The following PSMA6 variants were observed in gnomAD, a reference collection of about 807,000 sequenced individuals.
PSMA6 encodes the protein proteasome 20S subunit alpha 6.
For missense variants in PSMA6, 170 were observed against 294.8 expected (o/e 0.58, Z 3.10); for synonymous variants, 88 against 97.7 (o/e 0.90, Z 0.59).
At chr14:35,287,848 A>G (rs2051437761), upstream of PSMA6, among the ~76,000 whole-genome samples, 1 of 152,206 alleles carries the variant, frequency 6.6e-6, no homozygotes, top group South Asian at 2.1e-4. Context: ...CCCAGGGGAA[A>G]GTCCACCTGA....
intron 1 of PSMA6, among the ~76,000 whole-genome samples, chr14:35,282,823 C>A (rs58187366): frequency 1.3e-5 from 2 of 151,782 alleles, no homozygotes; most frequent in Admixed American, 1.3e-4. Flanking sequence ...CCACTGCACT[C>A]CAGCCTGGGC....
intron 1 of PSMA6, among the ~76,000 whole-genome samples, chr14:35,306,093 G>A (rs1010731768): frequency 6.6e-6 from 1 of 151,760 alleles, no homozygotes; most frequent in African/African-American, 2.4e-5. Context: ...GCTGGGTGTG[G>A]TGGTATACAC....
chr14:35,286,161 T>G (rs1262536375), intron 1 of PSMA6, among the ~76,000 whole-genome samples: 1 of 152,156 alleles, frequency 6.6e-6, no homozygotes, highest in Non-Finnish European at 1.5e-5. Flanking sequence ...AAACTGAGAT[T>G]ATGGTCACCA....
rs71445906 is a variant in PSMA6 at position 35,299,327 on chromosome 14, C to CTTTTTTTTTTTTTTTTTTTTTTTTT, written c.76+6788_76+6789insTTTTTTTTTTTTTTTTTTTTTTTTT. Reference sequence around the variant, plus strand: ...TGTGAGCCGCCGCAGTGCCCAGCCTCTTTTTTTTTTTTTGAGATGGAGTCT... The same window carrying CTTTTTTTTTTTTTTTTTTTTTTTTT: ...TGTGAGCCGCCGCAGTGCCCAGCCTCTTTTTTTTTTTTTTTTTTTTTTTTTTTTTTTTTTTTTTGAGATGGAGTCT... On this transcript the variant is annotated intron_variant, in intron 1 of 6. Transcript: ENST00000261479. Among the ~76,000 whole-genome samples, 11 of 66,004 alleles carry CTTTTTTTTTTTTTTTTTTTTTTTTT rather than the reference C, an allele frequency of 1.7e-4. 3 individuals carry two copies. Among genetic ancestry groups the CTTTTTTTTTTTTTTTTTTTTTTTTT allele is most frequent in the African/African-American group, 5.8e-4 (10 of 17,128 alleles). The allele number at this position is 66,004 out of a possible 152,430, so 43.3% of individuals were successfully genotyped here. A position where few individuals can be genotyped will look rare whatever the true frequency, so the allele number is the denominator to read the frequency against.
chr14:35,288,304 A>G (rs2138707199), upstream of PSMA6, among the ~76,000 whole-genome samples: 1 of 152,212 alleles, frequency 6.6e-6, no homozygotes, highest in African/African-American at 2.4e-5. Flanking sequence ...TTGAGACCAA[A>G]CTGGCCAACA....
At chr14:35,307,778 T>G (rs1451033373) in intron 1 of PSMA6, among the ~76,000 whole-genome samples, 1 of 152,156 alleles carries the variant, frequency 6.6e-6, no homozygotes, top group African/African-American at 2.4e-5. Flanking sequence ...ATCAGCTTAA[T>G]GAAAATAATT....
chr14:35,280,173 C>T (rs544675628), intron 1 of PSMA6, among the ~76,000 whole-genome samples: 11 of 151,592 alleles, frequency 7.3e-5, no homozygotes, highest in African/African-American at 2.7e-4. Context: ...GGCGCAATGG[C>T]TCACGCCTGT....
Position 35,299,327 on chromosome 14 carries a change from C to CTTTTTTTTTTTTTTTTTTTTT in PSMA6, c.76+6788_76+6789insTTTTTTTTTTTTTTTTTTTTT, listed in dbSNP as rs71445906. On this transcript the variant is annotated intron_variant, in intron 1 of 6. Coordinates refer to ENST00000261479, the MANE Select transcript of PSMA6 (RefSeq NM_002791.3). Reference sequence around the variant, plus strand: ...TGTGAGCCGCCGCAGTGCCCAGCCTCTTTTTTTTTTTTTGAGATGGAGTCT... The same window carrying CTTTTTTTTTTTTTTTTTTTTT: ...TGTGAGCCGCCGCAGTGCCCAGCCTCTTTTTTTTTTTTTTTTTTTTTTTTTTTTTTTTTTGAGATGGAGTCT... Among the ~76,000 whole-genome samples the CTTTTTTTTTTTTTTTTTTTTT allele has an allele frequency of 2.8e-3, 183 of 65,992 alleles. 56 individuals are homozygous for CTTTTTTTTTTTTTTTTTTTTT. Among genetic ancestry groups the CTTTTTTTTTTTTTTTTTTTTT allele is most frequent in the African/African-American group, 4.4e-3 (76 of 17,124 alleles). 43.3% of individuals were successfully genotyped at this position (65,992 alleles called of 152,430 possible).
chr14:35,286,484 C>T (rs527540012), intron 1 of PSMA6, among the ~76,000 whole-genome samples: 1 of 152,168 alleles, frequency 6.6e-6, no homozygotes, highest in African/African-American at 2.4e-5. Context: ...CTTCCAGAAA[C>T]AAGAAGCTGA....
upstream of PSMA6, among the ~76,000 whole-genome samples, chr14:35,290,396 A>C (rs1357693850): frequency 6.6e-6 from 1 of 152,224 alleles, no homozygotes; most frequent in African/African-American, 2.4e-5. Context: ...AACCAGAAGC[A>C]AGGGAAAACT....
chr14:35,299,327 C>CTTTTTTTTTTTTTTTTTTTTTT lies in PSMA6; in HGVS notation c.76+6788_76+6789insTTTTTTTTTTTTTTTTTTTTTT, dbSNP rs71445906. On this transcript the variant is annotated intron_variant, in intron 1 of 6. Transcript: ENST00000261479. ...TGTGAGCCGCCGCAGTGCCCAGCCTCTTTTTTTTTTTTTGAGATGGAGTCT... is the reference window on the plus strand; with the variant it reads ...TGTGAGCCGCCGCAGTGCCCAGCCTCTTTTTTTTTTTTTTTTTTTTTTTTTTTTTTTTTTTGAGATGGAGTCT... Among the ~76,000 whole-genome samples, 121 of 65,992 alleles carry CTTTTTTTTTTTTTTTTTTTTTT rather than the reference C, an allele frequency of 1.8e-3. 31 individuals carry two copies. Among genetic ancestry groups the CTTTTTTTTTTTTTTTTTTTTTT allele is most frequent in the African/African-American group, 4.0e-3 (68 of 17,124 alleles). 43.3% of individuals were successfully genotyped at this position (65,992 alleles called of 152,430 possible).
chr14:35,278,734 A>G (rs1255410990), intron 1 of PSMA6: 2 of 1,533,926 alleles, frequency 1.3e-6, no homozygotes, highest in Non-Finnish European at 1.7e-6. Context: ...TCCCTCACTC[A>G]GACTTGTTGC....
At chr14:35,299,026 G>T (rs1404036292) in intron 1 of PSMA6, among the ~76,000 whole-genome samples, 1 of 150,796 alleles carries the variant, frequency 6.6e-6, no homozygotes, top group East Asian at 2.0e-4. Context: ...GAGTCACTGC[G>T]TCCAGCTATT....
chr14:35,300,574 TAAGAG>T lies in PSMA6; in HGVS notation c.77-7418_77-7414del, dbSNP rs200555156. Reference sequence around the variant, plus strand: ...AACCCTAATGAGTGAATTAAGGTAATAAGAGAGAAAGGGTGGAGGGGTCTCTTGAG... The same window carrying T: ...AACCCTAATGAGTGAATTAAGGTAATAGAAAGGGTGGAGGGGTCTCTTGAG... On this transcript the variant is annotated intron_variant, in intron 1 of 6. Coordinates refer to ENST00000261479, the MANE Select transcript of PSMA6 (RefSeq NM_002791.3). 4.7e-3 allele frequency among the ~76,000 whole-genome samples: 722 copies of T among 152,284 alleles called. 11 individuals carry two copies. The highest frequency in any genetic ancestry group is 0.016 in the African/African-American group (648 of 41,562).
upstream of PSMA6, among the ~76,000 whole-genome samples, chr14:35,291,098 C>G (rs2138710388): frequency 6.7e-6 from 1 of 150,156 alleles, no homozygotes; most frequent in Admixed American, 6.6e-5. Flanking sequence ...CTCAAGCCAT[C>G]CTCCCACCTT....
intron 1 of PSMA6, among the ~76,000 whole-genome samples, chr14:35,303,875 A>G (rs1432977568): frequency 6.6e-6 from 1 of 151,704 alleles, no homozygotes; most frequent in Non-Finnish European, 1.5e-5. Context: ...ACATTGTATT[A>G]GCTAGTGTAG....
chr14:35,304,585 C>T (rs139662067), intron 1 of PSMA6, among the ~76,000 whole-genome samples: 3 of 152,094 alleles, frequency 2.0e-5, no homozygotes, highest in Non-Finnish European at 4.4e-5. Context: ...CAAAAATTAG[C>T]TGGGCGTGGT....
intron 1 of PSMA6, among the ~76,000 whole-genome samples, chr14:35,296,129 G>A (rs1195848275): frequency 6.6e-6 from 1 of 152,148 alleles, no homozygotes; most frequent in Non-Finnish European, 1.5e-5. Context: ...ATGTAGAAGT[G>A]TCATTGTGTA....
chr14:35,278,844 TTCTA>T, intron 1 of PSMA6: 1 of 1,086,036 alleles, frequency 9.2e-7, no homozygotes, highest in Non-Finnish European at 1.3e-6. Context: ...TTGCTTTTTT[TTCTA>T]TCCTGTGTTC....
Sources: gnomAD v4.1 joint callset for allele counts (sites outside exome capture counted in the v4.1 genomes callset) on GRCh38, gnomAD v4.1.1 for gene constraint, MANE v1.5 for transcripts, NCBI Gene and HGNC (gene_info 2026-07-23, HGNC 2026-07-21) for gene names.